Variants in LMTK2 observed in about 807,000 individuals in gnomAD.
LMTK2 encodes serine/threonine-protein kinase LMTK2.
LMTK2 carries 37 observed loss-of-function variants against 127.5 expected under a neutral mutation model. That is an observed-to-expected ratio of 0.29 (90% CI 0.22 to 0.38). The LOEUF is 0.38. Among genes scored for constraint, LMTK2 ranks in the 10% least tolerant of loss-of-function variants. The probability of loss-of-function intolerance (pLI) is 1.00; values close to 1 mark genes in which losing one functional copy is unlikely to be tolerated. For synonymous variants in LMTK2, 819 were observed against 810.1 expected (o/e 1.01, Z -0.19); for missense variants, 1,694 against 1,920.3 (o/e 0.88, Z 2.20).
intron 6 of LMTK2, among the ~76,000 whole-genome samples, chr7:98,160,972 C>G (rs146736607): frequency 1.6e-3 from 240 of 152,292 alleles, no homozygotes; most frequent in African/African-American, 5.5e-3. Context: ...CTTTTCTTCT[C>G]TGGTTTACAC....
intron 9 of LMTK2, among the ~76,000 whole-genome samples, chr7:98,188,163 C>T (rs1797469411): frequency 6.6e-6 from 1 of 152,142 alleles, no homozygotes; most frequent in Non-Finnish European, 1.5e-5. Flanking sequence ...TCTCCCTCCC[C>T]TTCCCTGCCT....
intron 1 of LMTK2, among the ~76,000 whole-genome samples, chr7:98,119,409 C>T (rs1475766814): frequency 6.6e-6 from 1 of 152,164 alleles, no homozygotes; most frequent in Non-Finnish European, 1.5e-5. Context: ...TCATCCTGAG[C>T]ACCACGTGTA....
At chr7:98,183,990 C>CAGGCAGAGGGAGAGACTG (rs1251985924) in intron 7 of LMTK2, among the ~76,000 whole-genome samples, 5 of 152,174 alleles carry the variant, frequency 3.3e-5, no homozygotes, top group Admixed American at 1.3e-4. Flanking sequence ...TAGTTGGTTT[C>CAGGCAGAGGGAGAGACTG]AGGCAGAGGG....
At chr7:98,150,865 A>G (rs1796842848) in intron 3 of LMTK2, among the ~76,000 whole-genome samples, 2 of 152,230 alleles carry the variant, frequency 1.3e-5, no homozygotes, top group South Asian at 4.1e-4. Context: ...GGAAGGGATT[A>G]CTGAGGGTAT....
intron 3 of LMTK2, among the ~76,000 whole-genome samples, chr7:98,142,680 A>G (rs2116371469): frequency 6.6e-6 from 1 of 152,350 alleles, no homozygotes; most frequent in Admixed American, 6.5e-5. Flanking sequence ...CTGAATTCCA[A>G]ATTAGATCAG....
chr7:98,187,642 C>T (rs1426799660), intron 9 of LMTK2, among the ~76,000 whole-genome samples: 1 of 151,764 alleles, frequency 6.6e-6, no homozygotes, highest in East Asian at 1.9e-4. Flanking sequence ...GTCTCACTGT[C>T]GCCCAGGCTG....
At chr7:98,188,513 G>A (rs1797473727) in intron 9 of LMTK2, among the ~76,000 whole-genome samples, 1 of 152,060 alleles carries the variant, frequency 6.6e-6, no homozygotes, top group Non-Finnish European at 1.5e-5. Context: ...GCCCAGGCTG[G>A]TCTTGAACTC....
intron 11 of LMTK2, among the ~76,000 whole-genome samples, chr7:98,195,844 A>AT (rs1338026482): frequency 2.0e-5 from 3 of 152,142 alleles, no homozygotes; most frequent in African/African-American, 7.2e-5. Context: ...AAATCGTTAA[A>AT]TCACCCGCAT....
At chr7:98,181,686 G>A (rs966289091) in intron 7 of LMTK2, among the ~76,000 whole-genome samples, 6 of 152,086 alleles carry the variant, frequency 3.9e-5, no homozygotes, top group African/African-American at 1.2e-4. Flanking sequence ...TTGAGATGGA[G>A]CCTCGCTCTG....
chr7:98,137,346 A>G lies in LMTK2; in HGVS notation c.135A>G (p.Ser45=). ...GEAPPAAEVS[S]SFVILCVCSL... ...CGCCACCTGCTGCAGAAGTTTCCTCATCTTTTGTGATCCTGTGTGTGTGCA... is the reference window on the plus strand; with the variant it reads ...CGCCACCTGCTGCAGAAGTTTCCTCGTCTTTTGTGATCCTGTGTGTGTGCA... Residue 45 remains serine, a synonymous_variant, in exon 2 of 14, where the codon TCA becomes TCG. Transcript: ENST00000297293. The G allele has an allele frequency of 6.2e-7, 1 of 1,613,214 alleles. No individual in the cohort carries two copies. Among genetic ancestry groups the G allele is most frequent in the Non-Finnish European group, 8.5e-7 (1 of 1,179,740 alleles).
chr7:98,204,100 C>T lies in LMTK2; in HGVS notation c.4397C>T (p.Ala1466Val), dbSNP rs756034075. 9.3e-6 allele frequency: 15 copies of T among 1,613,088 alleles called. No individual in the cohort carries two copies. The highest frequency in any genetic ancestry group is 4.4e-5 in the South Asian group (4 of 91,088). Reference protein sequence around the residue: ...RSTEQSWPHSAPYSRFSISPA... With the variant: ...RSTEQSWPHSVPYSRFSISPA... ...ACGGAGCAGAGCTGGCCGCACTCGG[C>T]GCCTTACTCCCGGTTCTCCATCTCT... Residue 1466 changes from alanine to valine, a missense_variant, in exon 13 of 14, where the codon GCG becomes GTG. Physicochemically the swap from Ala to Val is moderately conservative, Grantham distance 64. Coordinates refer to ENST00000297293, the MANE Select transcript of LMTK2 (RefSeq NM_014916.4).
At chr7:98,164,308 A>G (rs1797059715) in intron 6 of LMTK2, among the ~76,000 whole-genome samples, 1 of 152,208 alleles carries the variant, frequency 6.6e-6, no homozygotes, top group African/African-American at 2.4e-5. Flanking sequence ...CACTCACTCA[A>G]CAAAAATGGA....
intron 4 of LMTK2, among the ~76,000 whole-genome samples, chr7:98,153,071 C>T (rs547899946): frequency 7.9e-5 from 12 of 151,764 alleles, no homozygotes; most frequent in Admixed American, 5.9e-4. Context: ...AGGAGGAAGT[C>T]GGGAGTTCAT....
intron 6 of LMTK2, among the ~76,000 whole-genome samples, chr7:98,164,954 A>G (rs1350467916): frequency 6.6e-6 from 1 of 152,338 alleles, no homozygotes; most frequent in East Asian, 1.9e-4. Flanking sequence ...CCAGTAAAAC[A>G]TGGAGTCAGT....
At chr7:98,155,327 C>G (rs1796912413) in intron 5 of LMTK2, among the ~76,000 whole-genome samples, 1 of 152,202 alleles carries the variant, frequency 6.6e-6, no homozygotes, top group Non-Finnish European at 1.5e-5. Context: ...CAGCATTATT[C>G]ATGTCATAGA....
chr7:98,147,864 G>A (rs979211679), intron 3 of LMTK2, among the ~76,000 whole-genome samples: 6 of 152,048 alleles, frequency 3.9e-5, no homozygotes, highest in African/African-American at 1.4e-4. Flanking sequence ...GTTTCCTTTG[G>A]TTCTTTGTCC....
intron 5 of LMTK2, among the ~76,000 whole-genome samples, chr7:98,156,205 G>A (rs888403641): frequency 3.3e-5 from 5 of 152,170 alleles, no homozygotes; most frequent in African/African-American, 7.2e-5. Flanking sequence ...AGTGGCTCAC[G>A]CCTGTAATCC....
chr7:98,115,095 T>C (rs1251598683), intron 1 of LMTK2, among the ~76,000 whole-genome samples: 15 of 152,198 alleles, frequency 9.9e-5, no homozygotes, highest in Admixed American at 9.8e-4. Context: ...TTTTTTGATT[T>C]ATAAATGACA....
At chr7:98,173,246 C>G (rs1251074667) in intron 7 of LMTK2, among the ~76,000 whole-genome samples, 2 of 151,884 alleles carry the variant, frequency 1.3e-5, no homozygotes, top group African/African-American at 2.4e-5. Context: ...TATTAACCTT[C>G]TTCTTACACA....
Sources: gnomAD v4.1 joint callset for allele counts (sites outside exome capture counted in the v4.1 genomes callset) on GRCh38, gnomAD v4.1.1 for gene constraint, MANE v1.5 for transcripts, NCBI Gene and HGNC (gene_info 2026-07-23, HGNC 2026-07-21) for gene names.